Variants in ZFAT observed in about 807,000 individuals in gnomAD.
ZFAT encodes zinc finger and AT-hook domain containing.
Under a neutral mutation model 117.7 loss-of-function variants are expected in ZFAT, and 64 were observed. That is an observed-to-expected ratio of 0.54 (90% CI 0.44 to 0.67). The LOEUF is 0.67. Among genes scored for constraint, ZFAT ranks in the 30% least tolerant of loss-of-function variants. ZFAT has a pLI of 0.00. For missense variants in ZFAT, 1,433 were observed against 1,584.5 expected (o/e 0.90, Z 1.62); for synonymous variants, 679 against 615.0 (o/e 1.10, Z -1.54).
chr8:134,567,547 T>C (rs1386116177), intron 10 of ZFAT, among the ~76,000 whole-genome samples: 2 of 152,120 alleles, frequency 1.3e-5, no homozygotes, highest in Non-Finnish European at 2.9e-5. Context: ...ATGCCTCATC[T>C]TCTATCCAGA....
chr8:134,523,628 C>T (rs1485220016), intron 12 of ZFAT, among the ~76,000 whole-genome samples: 1 of 152,236 alleles, frequency 6.6e-6, no homozygotes, highest in Non-Finnish European at 1.5e-5. Flanking sequence ...TCTGTCTCAC[C>T]TACAATAAAA....
the ZFAT span, chr8:134,766,625 A>G: frequency 2.6e-5 from 4 of 152,254 alleles, no homozygotes; most frequent in Non-Finnish European, 5.9e-5. Context: ...ACTGGGTTCC[A>G]CAAAAGCAAG....
intron 11 of ZFAT, among the ~76,000 whole-genome samples, chr8:134,539,151 A>C (rs548306911): frequency 7.7e-4 from 118 of 152,312 alleles, no homozygotes; most frequent in Non-Finnish European, 1.4e-3. Context: ...CTCTAACTAC[A>C]TTAAAGTGAT....
At chr8:134,501,124 G>C (rs1307745662) in intron 15 of ZFAT, among the ~76,000 whole-genome samples, 1 of 152,066 alleles carries the variant, frequency 6.6e-6, no homozygotes, top group Non-Finnish European at 1.5e-5. Flanking sequence ...AAAAGGACTT[G>C]GCATTAAAAG....
At chr8:134,594,072 CT>C (rs1426999325) in intron 7 of ZFAT, among the ~76,000 whole-genome samples, 2 of 152,244 alleles carry the variant, frequency 1.3e-5, no homozygotes, top group African/African-American at 4.8e-5. Context: ...TTCCTTTCCA[CT>C]GGAAATAGTT....
the ZFAT span, among the ~76,000 whole-genome samples, chr8:134,771,172 C>T: frequency 6.6e-6 from 1 of 152,204 alleles, no homozygotes; most frequent in African/African-American, 2.4e-5. Context: ...GTTTTTGTGG[C>T]TTGTGAGGCA....
intron 2 of ZFAT, among the ~76,000 whole-genome samples, chr8:134,638,260 A>G (rs1830350953): frequency 6.6e-6 from 1 of 152,134 alleles, no homozygotes; most frequent in South Asian, 2.1e-4. Context: ...CAATAACAAT[A>G]TTTTTCCAGT....
rs539166460 is a variant in ZFAT at position 134,494,653 on chromosome 8, C to T, written c.3492+14966G>A. Among the ~76,000 whole-genome samples the T allele has an allele frequency of 7.9e-5, 12 of 152,292 alleles. No homozygotes were observed. In the South Asian group the frequency reaches 2.5e-3, roughly 32 times the overall value. On this transcript the variant is annotated intron_variant, in intron 15 of 15. Coordinates refer to ENST00000377838, the MANE Select transcript of ZFAT (RefSeq NM_020863.4). Reference sequence around the variant, plus strand: ...CTGGCAGGACCCAGGTCGTATTCCTCCCTGGATAACCACAGAGCAACAGCC... The same window carrying T: ...CTGGCAGGACCCAGGTCGTATTCCTTCCTGGATAACCACAGAGCAACAGCC...
the ZFAT span, among the ~76,000 whole-genome samples, chr8:134,742,122 T>C: frequency 1.3e-5 from 2 of 151,784 alleles, no homozygotes; most frequent in African/African-American, 4.8e-5. Context: ...CTCAAAAGGG[T>C]CTTTGAAGCT....
At chr8:134,658,337 C>A (rs200375815) in intron 1 of ZFAT, among the ~76,000 whole-genome samples, 51 of 117,994 alleles carry the variant, frequency 4.3e-4, no homozygotes, top group African/African-American at 9.3e-4. Context: ...ATTCTGTCTC[C>A]AAAAAAAAAA....
At chr8:134,701,786 C>A (rs896796834) in intron 1 of ZFAT, among the ~76,000 whole-genome samples, 4 of 152,152 alleles carry the variant, frequency 2.6e-5, no homozygotes, top group Admixed American at 2.6e-4. Context: ...GGATATACCA[C>A]AATTTGTTTA....
At chr8:134,576,093 G>T (rs1825277022) in intron 10 of ZFAT, among the ~76,000 whole-genome samples, 1 of 152,218 alleles carries the variant, frequency 6.6e-6, no homozygotes, top group South Asian at 2.1e-4. Flanking sequence ...ACCAGGGCTA[G>T]ATGAAAGTTA....
chr8:134,760,017 A>C, the ZFAT span, among the ~76,000 whole-genome samples: 1 of 147,300 alleles, frequency 6.8e-6, no homozygotes, highest in Non-Finnish European at 1.5e-5. Flanking sequence ...GCGGTGGCTC[A>C]TGCCTGTAAT....
Position 134,477,831 on chromosome 8 carries a change from G to A in ZFAT, c.*651C>T, listed in dbSNP as rs1434365586. 1 of 152,278 alleles carries A rather than the reference G, an allele frequency of 6.6e-6. No homozygotes were observed. 9.4% of individuals were successfully genotyped at this position (152,278 alleles called of 1,614,324 possible). On this transcript the variant is annotated 3_prime_UTR_variant, in exon 16 of 16. Coordinates refer to ENST00000377838, the MANE Select transcript of ZFAT (RefSeq NM_020863.4). ...TTATTCCAACCACCTCACCTCCTTAGAATGGGAGGCGAACAGTGAAATAGT... is the reference window on the plus strand; with the variant it reads ...TTATTCCAACCACCTCACCTCCTTAAAATGGGAGGCGAACAGTGAAATAGT...
the ZFAT span, among the ~76,000 whole-genome samples, chr8:134,820,535 T>C: frequency 1.3e-5 from 2 of 152,234 alleles, no homozygotes; most frequent in African/African-American, 2.4e-5. Flanking sequence ...CTCACACTTA[T>C]ATGCTTATCA....
Position 134,532,985 on chromosome 8 carries a change from T to C in ZFAT, c.2977-13A>G, listed in dbSNP as rs1821541715. 1 of 1,591,914 alleles carries C rather than the reference T, an allele frequency of 6.3e-7. No homozygotes were observed. The highest frequency in any genetic ancestry group is 8.6e-7 in the Non-Finnish European group (1 of 1,169,526). ...CACAGCGGAAAGGCTGCGGGGACAA[T>C]GAGGAGGGGTTAGGAAAGGTGAGCC... is the stretch of plus-strand genomic sequence containing the variant. On this transcript the variant is annotated splice_polypyrimidine_tract_variant and intron_variant, in intron 11 of 15. Transcript: ENST00000377838.
intron 10 of ZFAT, among the ~76,000 whole-genome samples, chr8:134,577,535 C>T (rs1825394283): frequency 6.6e-6 from 1 of 152,238 alleles, no homozygotes; most frequent in Non-Finnish European, 1.5e-5. Flanking sequence ...AAATCACTGA[C>T]ACTTTGTGAG....
At chr8:134,810,700 G>T in the ZFAT span, among the ~76,000 whole-genome samples, 2 of 152,040 alleles carry the variant, frequency 1.3e-5, no homozygotes, top group African/African-American at 2.4e-5. Flanking sequence ...CAACATAAAA[G>T]AATAAAGCTC....
chr8:134,624,397 T>C (rs1829352365), intron 3 of ZFAT, among the ~76,000 whole-genome samples: 1 of 152,196 alleles, frequency 6.6e-6, no homozygotes, highest in South Asian at 2.1e-4. Flanking sequence ...GGTTCACACC[T>C]GTAATCCCAG....
Sources: gnomAD v4.1 joint callset for allele counts (sites outside exome capture counted in the v4.1 genomes callset) on GRCh38, gnomAD v4.1.1 for gene constraint, MANE v1.5 for transcripts, NCBI Gene and HGNC (gene_info 2026-07-23, HGNC 2026-07-21) for gene names.